CMTM8: variants seen among roughly 807,000 people sequenced by gnomAD.
CMTM8 encodes the protein CKLF like MARVEL transmembrane domain containing 8.
Under a neutral mutation model 18.6 loss-of-function variants are expected in CMTM8, and 12 were observed. The ratio of observed to expected loss-of-function variants is 0.65; its 90% CI spans 0.41 to 1.05. CMTM8 has a LOEUF of 1.05. Ranked by LOEUF, CMTM8 falls within the 50% of genes least tolerant of loss-of-function variation. The probability of loss-of-function intolerance (pLI) is 0.00; values close to 1 mark genes in which losing one functional copy is unlikely to be tolerated. For missense variants in CMTM8, 217 were observed against 227.2 expected (o/e 0.95, Z 0.29); for synonymous variants, 87 against 90.6 (o/e 0.96, Z 0.23).
chr3:32,349,123 G>T (rs551820541), intron 1 of CMTM8, among the ~76,000 whole-genome samples: 2 of 152,018 alleles, frequency 1.3e-5, no homozygotes, highest in African/African-American at 4.8e-5. Flanking sequence ...CTTTCTTCCA[G>T]TTTGTTTTTT....
At chr3:32,359,588 T>TCAAAA (rs921213652) in intron 2 of CMTM8, among the ~76,000 whole-genome samples, 14 of 152,066 alleles carry the variant, frequency 9.2e-5, no homozygotes, top group Admixed American at 1.3e-4. Context: ...AGACTCTGTC[T>TCAAAA]CAAAACAAAA....
intron 1 of CMTM8, among the ~76,000 whole-genome samples, chr3:32,296,849 CA>C (rs2125560072): frequency 6.6e-6 from 1 of 152,314 alleles, no homozygotes; most frequent in Non-Finnish European, 1.5e-5. Flanking sequence ...ACCAGGGCGG[CA>C]GACTGTGTGT....
intron 1 of CMTM8, among the ~76,000 whole-genome samples, chr3:32,341,857 A>G (rs1471019304): frequency 2.0e-5 from 3 of 152,080 alleles, no homozygotes; most frequent in African/African-American, 7.3e-5. Flanking sequence ...CCTGGGCGAC[A>G]GAGCAAGACT....
intron 1 of CMTM8, among the ~76,000 whole-genome samples, chr3:32,293,077 G>GTGTGTATATA (rs148004069): frequency 2.1e-5 from 3 of 145,738 alleles, no homozygotes; most frequent in Non-Finnish European, 3.0e-5. Flanking sequence ...ATATGTGTGT[G>GTGTGTATATA]TATATATATA....
At chr3:32,295,330 C>T (rs1413859719) in intron 1 of CMTM8, among the ~76,000 whole-genome samples, 1 of 151,568 alleles carries the variant, frequency 6.6e-6, no homozygotes, top group East Asian at 1.9e-4. Context: ...ATGTCGTGCA[C>T]CTGTAGTCTC....
chr3:32,358,543 G>A lies in CMTM8; in HGVS notation c.321+997G>A, dbSNP rs1696861525. ...CAAATTTGAAATATAGTCTATTTGT[G>A]GTTATAGACTAAGTTAAGTTGGCAC... On this transcript the variant is annotated intron_variant, in intron 2 of 3. Coordinates refer to ENST00000307526, the MANE Select transcript of CMTM8 (RefSeq NM_178868.5). The surrounding 1 kb of genome is among the most constrained non-coding windows in gnomAD (Gnocchi z 4.1). Among the ~76,000 whole-genome samples, 1 of 152,166 alleles carries A rather than the reference G, an allele frequency of 6.6e-6. No homozygotes were observed. Among genetic ancestry groups the A allele is most frequent in the African/African-American group, 2.4e-5 (1 of 41,436 alleles).
At chr3:32,247,017 C>T (rs1356480506) in intron 1 of CMTM8, among the ~76,000 whole-genome samples, 1 of 152,126 alleles carries the variant, frequency 6.6e-6, no homozygotes, top group African/African-American at 2.4e-5. Context: ...AGGAGAATCG[C>T]TTGAACCTGG....
intron 1 of CMTM8, among the ~76,000 whole-genome samples, chr3:32,244,907 A>C (rs1351585381): frequency 6.6e-6 from 1 of 152,352 alleles, no homozygotes; most frequent in Non-Finnish European, 1.5e-5. Context: ...CCAAAGTTCT[A>C]CTGGTTGAAA....
intron 1 of CMTM8, among the ~76,000 whole-genome samples, chr3:32,343,981 G>A (rs746208826): frequency 7.9e-5 from 12 of 152,106 alleles, no homozygotes; most frequent in Admixed American, 6.5e-4. Context: ...GATTACAGGC[G>A]TGAGCCACCT....
chr3:32,357,449 T>C lies in CMTM8; in HGVS notation c.224T>C (p.Phe75Ser). The part of the protein sequence containing the change: ...FRVPAFGWVM[F>S]VAVFYWVLTV... Reference sequence around the variant, plus strand: ...GTCCCCGCATTTGGCTGGGTCATGTTTGTAGCTGTATTTTACTGGGTCCTC... The same window carrying C: ...GTCCCCGCATTTGGCTGGGTCATGTCTGTAGCTGTATTTTACTGGGTCCTC... The change falls in exon 2 of 4, where the codon TTT becomes TCT. Residue 75 changes from phenylalanine (F) to serine (S), a missense_variant. Phe to Ser is a radical substitution (Grantham distance 155). Transcript: ENST00000307526. The C allele has an allele frequency of 6.2e-7, 1 of 1,614,112 alleles. No homozygotes were observed. Among genetic ancestry groups the C allele is most frequent in the Non-Finnish European group, 8.5e-7 (1 of 1,180,012 alleles).
chr3:32,249,341 G>C lies in CMTM8; in HGVS notation c.147+10222G>C, dbSNP rs538186411. ...GCTACTCAGGAGGCTGAAGTGGGGG[G>C]ATCACTTGAGCCAGGGAAGTTGAAG... On this transcript the variant is annotated intron_variant, in intron 1 of 3. Coordinates refer to ENST00000307526, the MANE Select transcript of CMTM8 (RefSeq NM_178868.5). 5.0e-4 allele frequency among the ~76,000 whole-genome samples: 75 copies of C among 151,448 alleles called. 1 individual carries two copies. The highest frequency in any genetic ancestry group is 1.8e-3 in the African/African-American group (75 of 41,260).
chr3:32,330,993 C>T (rs1696263800), intron 1 of CMTM8, among the ~76,000 whole-genome samples: 1 of 152,006 alleles, frequency 6.6e-6, no homozygotes, highest in Non-Finnish European at 1.5e-5. Context: ...TAGGACTATA[C>T]CAAACTTAAA....
At chr3:32,283,655 A>G (rs987863738) in intron 1 of CMTM8, among the ~76,000 whole-genome samples, 2 of 152,122 alleles carry the variant, frequency 1.3e-5, no homozygotes, top group African/African-American at 4.8e-5. Context: ...TTCAGGATTT[A>G]TCTTGACACA....
chr3:32,369,455 T>C (rs1046030297), intron 3 of CMTM8, among the ~76,000 whole-genome samples: 3 of 152,208 alleles, frequency 2.0e-5, no homozygotes, highest in Admixed American at 2.0e-4. Flanking sequence ...AAGAAGGGCC[T>C]GCATTTTCCT....
chr3:32,298,046 T>C (rs1209855433), intron 1 of CMTM8, among the ~76,000 whole-genome samples: 2 of 150,610 alleles, frequency 1.3e-5, no homozygotes, highest in Admixed American at 6.6e-5. Context: ...CTCTCTAATC[T>C]CTTAACTAAA....
intron 1 of CMTM8, among the ~76,000 whole-genome samples, chr3:32,315,182 T>G (rs1695899070): frequency 6.6e-6 from 1 of 151,112 alleles, no homozygotes. Context: ...CAGGCTGGAG[T>G]GCAGTGGCAC....
intron 1 of CMTM8, among the ~76,000 whole-genome samples, chr3:32,274,399 T>A (rs1010863937): frequency 1.3e-5 from 2 of 152,016 alleles, no homozygotes; most frequent in Non-Finnish European, 2.9e-5. Context: ...ATTCCTTTAA[T>A]TTTTTATTTT....
At chr3:32,365,693 C>T (rs761911791) in intron 2 of CMTM8, among the ~76,000 whole-genome samples, 2 of 152,282 alleles carry the variant, frequency 1.3e-5, no homozygotes, top group South Asian at 2.1e-4. Flanking sequence ...GTGATCTACT[C>T]GCCTCGGCCT....
At chr3:32,351,711 CA>C (rs144533624) in intron 1 of CMTM8, among the ~76,000 whole-genome samples, 196 of 134,004 alleles carry the variant, frequency 1.5e-3, no homozygotes, top group Non-Finnish European at 1.3e-3. Context: ...GACCCTGTCT[CA>C]AAAAAAAAAA....
Sources: gnomAD v4.1 joint callset for allele counts (sites outside exome capture counted in the v4.1 genomes callset) on GRCh38, gnomAD v4.1.1 for gene constraint, Gnocchi (gnomAD v3.1) non-coding constraint, MANE v1.5 for transcripts, NCBI Gene and HGNC (gene_info 2026-07-23, HGNC 2026-07-21) for gene names.